Variants in UNC13C observed in about 807,000 individuals in gnomAD.
The protein encoded by UNC13C is protein unc-13 homolog C.
UNC13C carries 174 observed loss-of-function variants against 245.4 expected under a neutral mutation model. The ratio of observed to expected loss-of-function variants is 0.71; its 90% CI spans 0.63 to 0.80. The LOEUF is 0.80. UNC13C is among the 30% of genes least tolerant of loss of function. The pLI, the probability that UNC13C is intolerant of heterozygous loss-of-function variation, is 0.00. For synonymous variants in UNC13C, 992 were observed against 895.1 expected (o/e 1.11, Z -1.93); for missense variants, 2,829 against 2,602.9 (o/e 1.09, Z -1.89).
rs1895558009 is a variant in UNC13C, at chr15:54,014,691, C to T, written c.1788C>T (p.Thr596=). Residue 596 remains threonine (T), a synonymous_variant, in exon 2 of 33, where the codon ACC becomes ACT. Transcript: ENST00000260323. ...LWQRKQEGTA[T]LYDSPKDQHL... ...AGAGGAAACAGGAAGGAACAGCGACCCTGTATGACAGTCCCAAGGACCAGC... is the reference window on the plus strand; with the variant it reads ...AGAGGAAACAGGAAGGAACAGCGACTCTGTATGACAGTCCCAAGGACCAGC... 6.2e-7 allele frequency: 1 copy of T among 1,613,584 alleles called. No homozygotes were observed. Among genetic ancestry groups the T allele is most frequent in the African/African-American group, 1.3e-5 (1 of 74,910 alleles).
intron 17 of UNC13C, among the ~76,000 whole-genome samples, chr15:54,355,656 C>G (rs1004242455): frequency 2.0e-5 from 3 of 152,032 alleles, no homozygotes; most frequent in African/African-American, 7.2e-5. Flanking sequence ...CAGCACCCAG[C>G]CCTCACTTTG....
chr15:54,040,689 G>T (rs1320183155), intron 2 of UNC13C, among the ~76,000 whole-genome samples: 1 of 152,094 alleles, frequency 6.6e-6, no homozygotes, highest in Non-Finnish European at 1.5e-5. Context: ...GAAAATAAAG[G>T]CCTGCTGGAA....
At chr15:54,143,469 T>C in intron 3 of UNC13C, 151 bp from the exon 4 acceptor site, 1 of 601,404 alleles carries the variant, frequency 1.7e-6, no homozygotes, top group Non-Finnish European at 2.9e-6. Context: ...AAAAACACAG[T>C]AGCTTTGACT....
intron 19 of UNC13C, among the ~76,000 whole-genome samples, chr15:54,449,142 C>T (rs758905641): frequency 1.3e-5 from 2 of 152,180 alleles, no homozygotes; most frequent in Non-Finnish European, 2.9e-5. Flanking sequence ...GCCGAGAGAT[C>T]CACTGTTAGT....
intron 18 of UNC13C, among the ~76,000 whole-genome samples, chr15:54,403,135 C>G (rs1029776395): frequency 6.6e-6 from 1 of 152,224 alleles, no homozygotes; most frequent in South Asian, 2.1e-4. Flanking sequence ...TCAGTAAATT[C>G]TGTTGACTAT....
chr15:53,880,559 T>A, the UNC13C span, among the ~76,000 whole-genome samples: 1 of 152,090 alleles, frequency 6.6e-6, no homozygotes, highest in Non-Finnish European at 1.5e-5. Context: ...TCCTGTGAGG[T>A]CAGCTGACAG....
At chr15:54,418,247 A>G (rs2040562436) in intron 19 of UNC13C, among the ~76,000 whole-genome samples, 1 of 152,158 alleles carries the variant, frequency 6.6e-6, no homozygotes, top group Non-Finnish European at 1.5e-5. Context: ...CACATGGCAA[A>G]ATGCTGCTTT....
At chr15:53,945,233 A>C in the UNC13C span, among the ~76,000 whole-genome samples, 1 of 152,164 alleles carries the variant, frequency 6.6e-6, no homozygotes, top group East Asian at 1.9e-4. Context: ...GCTATGCAGA[A>C]GCTCTTTAGT....
chr15:54,411,043 A>G (rs540854127), intron 18 of UNC13C, among the ~76,000 whole-genome samples: 1 of 152,270 alleles, frequency 6.6e-6, no homozygotes, highest in South Asian at 2.1e-4. Context: ...AAGCTATTCT[A>G]ATAGACATGT....
At chr15:53,974,381 C>T (rs982903804), upstream of UNC13C, among the ~76,000 whole-genome samples, 3 of 152,138 alleles carry the variant, frequency 2.0e-5, no homozygotes, top group Non-Finnish European at 4.4e-5. Context: ...TAAGCAAGCA[C>T]ACTATTATTC....
chr15:54,567,966 C>T lies in UNC13C; in HGVS notation c.6106+19C>T, dbSNP rs992509127. The T allele has an allele frequency of 6.7e-6, 10 of 1,487,670 alleles. No individual in the cohort carries two copies. The highest frequency in any genetic ancestry group is 2.8e-5 in the African/African-American group (2 of 71,330). 92.2% of individuals were successfully genotyped at this position (1,487,670 alleles called of 1,614,324 possible). ...TCACAGAGTAAGTAACACATAGGACCTGAGAATAAGGTAAACTGAATACTA... is the reference window on the plus strand; with the variant it reads ...TCACAGAGTAAGTAACACATAGGACTTGAGAATAAGGTAAACTGAATACTA... On this transcript the variant is annotated intron_variant, in intron 30 of 32. Transcript: ENST00000260323.
the UNC13C span, among the ~76,000 whole-genome samples, chr15:53,902,027 A>T: frequency 6.7e-6 from 1 of 149,020 alleles, no homozygotes; most frequent in Non-Finnish European, 1.5e-5. Flanking sequence ...ATACCACCAC[A>T]TGTGCATTAG....
intron 4 of UNC13C, among the ~76,000 whole-genome samples, chr15:54,230,650 T>A (rs2035525676): frequency 6.6e-6 from 1 of 152,056 alleles, no homozygotes; most frequent in Non-Finnish European, 1.5e-5. Flanking sequence ...CAGATTTTAT[T>A]AAATTCAGTA....
the UNC13C span, among the ~76,000 whole-genome samples, chr15:53,907,599 A>G: frequency 5.9e-5 from 9 of 152,132 alleles, no homozygotes; most frequent in African/African-American, 2.2e-4. Context: ...CCTCATATGT[A>G]ATGTGGAGAT....
At chr15:54,565,100 A>C (rs1897454509) in intron 29 of UNC13C, among the ~76,000 whole-genome samples, 1 of 151,926 alleles carries the variant, frequency 6.6e-6, no homozygotes, top group Admixed American at 6.6e-5. Flanking sequence ...CAAAGATGTC[A>C]CTTCTTTGGA....
intron 19 of UNC13C, among the ~76,000 whole-genome samples, chr15:54,484,288 T>A (rs1567317216): frequency 6.6e-6 from 1 of 152,184 alleles, no homozygotes; most frequent in Non-Finnish European, 1.5e-5. Context: ...TTTGAAAATT[T>A]CCCCTAGGTC....
At chr15:53,874,464 C>G in the UNC13C span, among the ~76,000 whole-genome samples, 1 of 152,148 alleles carries the variant, frequency 6.6e-6, no homozygotes, top group African/African-American at 2.4e-5. Flanking sequence ...TGACATATCT[C>G]TCCAAAGACA....
intron 1 of UNC13C, among the ~76,000 whole-genome samples, chr15:53,999,786 A>T (rs1469059715): frequency 6.6e-6 from 1 of 151,806 alleles, no homozygotes; most frequent in Admixed American, 6.6e-5. Flanking sequence ...GGGGGTTTTG[A>T]CCCATGGATT....
chr15:54,225,485 T>C (rs1466562415), intron 4 of UNC13C, among the ~76,000 whole-genome samples: 3 of 152,236 alleles, frequency 2.0e-5, no homozygotes, highest in Non-Finnish European at 4.4e-5. Context: ...TCTGATTTCC[T>C]TGAGTGGTGG....
Sources: allele counts gnomAD v4.1 joint callset (sites outside exome capture counted in the v4.1 genomes callset), GRCh38; gene constraint gnomAD v4.1.1; transcripts MANE v1.5; gene names NCBI Gene and HGNC (gene_info 2026-07-23, HGNC 2026-07-21).